The following MIA2 variants were observed in gnomAD, a reference collection of about 807,000 sequenced individuals.
The protein encoded by MIA2 is MIA SH3 domain ER export factor 2.
MIA2 carries 127 observed loss-of-function variants against 167.8 expected under a neutral mutation model. The ratio of observed to expected loss-of-function variants is 0.76; its 90% CI spans 0.66 to 0.88. The LOEUF is 0.88. Among genes scored for constraint, MIA2 ranks in the 40% least tolerant of loss-of-function variants. The probability of loss-of-function intolerance (pLI) is 0.00; values close to 1 mark genes in which losing one functional copy is unlikely to be tolerated. For synonymous variants in MIA2, 552 were observed against 541.9 expected (o/e 1.02, Z -0.26); for missense variants, 1,690 against 1,624.7 (o/e 1.04, Z -0.69).
intron 25 of MIA2, among the ~76,000 whole-genome samples, chr14:39,327,501 C>T (rs1488123358): frequency 6.6e-6 from 1 of 152,058 alleles, no homozygotes; most frequent in Non-Finnish European, 1.5e-5. Flanking sequence ...TTTATCTCAC[C>T]AAAATAAATA....
chr14:39,327,960 T>C (rs2152997506), intron 25 of MIA2, among the ~76,000 whole-genome samples: 1 of 152,360 alleles, frequency 6.6e-6, no homozygotes, highest in African/African-American at 2.4e-5. Context: ...AGTAGAATGA[T>C]TTATAATCCT....
At chr14:39,324,287 A>G (rs1369687793) in intron 24 of MIA2, among the ~76,000 whole-genome samples, 1 of 152,146 alleles carries the variant, frequency 6.6e-6, no homozygotes, top group Non-Finnish European at 1.5e-5. Context: ...AGCCTAAATG[A>G]CGACTTGCAC....
Position 39,247,870 on chromosome 14 carries a change from T to C in MIA2, c.1296T>C (p.Ile432=). 1 of 1,589,368 alleles carries C rather than the reference T, an allele frequency of 6.3e-7. No homozygotes were observed. The highest frequency in any genetic ancestry group is 1.2e-5 in the South Asian group (1 of 85,338). ...AACAAGAAATAGAAACGATAAAAAT[T>C]ATAGAAACAGAAGATCAAATAGACA... ...EKEQEIETIK[I]IETEDQIDKK... The change falls in exon 4 of 29, where the codon ATT becomes ATC. Residue 432 remains isoleucine, a synonymous_variant. Transcript: ENST00000640607.
intron 25 of MIA2, among the ~76,000 whole-genome samples, chr14:39,342,820 G>C (rs924477153): frequency 6.6e-6 from 1 of 152,062 alleles, no homozygotes; most frequent in East Asian, 1.9e-4. Flanking sequence ...CATGAGTTTA[G>C]CGTGTGTAAA....
chr14:39,309,665 T>G (rs1595437877), intron 18 of MIA2, among the ~76,000 whole-genome samples: 1 of 152,212 alleles, frequency 6.6e-6, no homozygotes, highest in East Asian at 1.9e-4. Flanking sequence ...GTCCTCTGAT[T>G]GATTGCTTTT....
At position 39,288,432 on chromosome 14, in the gene MIA2, CAT is replaced by C. The variant is rs759995143; in HGVS notation, c.2131-2544_2131-2543del. On this transcript the variant is annotated intron_variant, in intron 9 of 28. Coordinates refer to ENST00000640607, the MANE Select transcript of MIA2 (RefSeq NM_001329214.4). ...TTGATTTGAGCGTGTATATATTATA[CAT>C]ATATATATATATATATATATATATA... Among the ~76,000 whole-genome samples the C allele has an allele frequency of 2.0e-3, 106 of 52,878 alleles. 1 individual carries two copies. Among genetic ancestry groups the C allele is most frequent in the South Asian group, 5.4e-3 (6 of 1,116 alleles). 34.7% of individuals were successfully genotyped at this position (52,878 alleles called of 152,430 possible).
In MIA2 at chr14:39,253,134, A is replaced by G; in HGVS notation, c.1850A>G (p.Asn617Ser). The change falls in exon 6 of 29, where the codon AAT becomes AGT. Residue 617 changes from asparagine (N) to serine (S), a missense_variant. Physicochemically the swap from Asn to Ser is conservative, Grantham distance 46. Transcript: ENST00000640607. Reference sequence around the variant, plus strand: ...CAAATTGATGTTTATGATTTCATGAATTCTGCATTTTCACCAATTGTAATT... The same window carrying G: ...CAAATTGATGTTTATGATTTCATGAGTTCTGCATTTTCACCAATTGTAATT... ...LFQIDVYDFM[N>S]SAFSPIVILT... The G allele has an allele frequency of 6.2e-7, 1 of 1,608,796 alleles. No individual in the cohort carries two copies. The highest frequency in any genetic ancestry group is 8.5e-7 in the Non-Finnish European group (1 of 1,177,140).
chr14:39,310,027 G>A, intron 18 of MIA2, among the ~76,000 whole-genome samples: 1 of 151,582 alleles, frequency 6.6e-6, no homozygotes, highest in East Asian at 1.9e-4. Flanking sequence ...AGTTATTACA[G>A]TTGTTCCTTA....
At chr14:39,268,197 C>A (rs1214753815) in intron 6 of MIA2, among the ~76,000 whole-genome samples, 1 of 151,930 alleles carries the variant, frequency 6.6e-6, no homozygotes, top group Non-Finnish European at 1.5e-5. Flanking sequence ...TGTGTAGGGG[C>A]ATTTATGTCG....
intron 3 of MIA2, among the ~76,000 whole-genome samples, chr14:39,242,620 T>C (rs1383371243): frequency 1.3e-5 from 2 of 151,852 alleles, no homozygotes; most frequent in African/African-American, 4.8e-5. Context: ...ACCACACCTG[T>C]CCTCATTTAT....
intron 6 of MIA2, chr14:39,265,528 CTTTTT>C: frequency 1.3e-6 from 1 of 785,112 alleles, no homozygotes. Flanking sequence ...TTGGATTTTT[CTTTTT>C]TTTTCATTTT....
At chr14:39,345,320 C>T (rs550792624) in intron 25 of MIA2, among the ~76,000 whole-genome samples, 135 of 152,190 alleles carry the variant, frequency 8.9e-4, no homozygotes, top group Middle Eastern at 6.8e-3. Flanking sequence ...GTGATCCACC[C>T]GCTTCGGCCT....
chr14:39,343,360 C>T (rs778948014), intron 25 of MIA2, among the ~76,000 whole-genome samples: 10 of 152,022 alleles, frequency 6.6e-5, no homozygotes, highest in Non-Finnish European at 8.8e-5. Flanking sequence ...TTGGCCAGGC[C>T]GATCTTGAAC....
At chr14:39,339,226 G>T (rs886463068) in intron 25 of MIA2, among the ~76,000 whole-genome samples, 1 of 152,146 alleles carries the variant, frequency 6.6e-6, no homozygotes. Context: ...CTCACCTCCT[G>T]CTGTGCAAAC....
intron 21 of MIA2, among the ~76,000 whole-genome samples, chr14:39,316,417 C>G (rs2065448249): frequency 1.3e-5 from 2 of 152,190 alleles, no homozygotes; most frequent in African/African-American, 4.8e-5. Context: ...CTGGCTTCAT[C>G]ACCTATCATC....
rs1485532739 is a variant in MIA2 at position 39,242,291 on chromosome 14, C to T, written c.336+1644C>T. 2.7e-5 allele frequency among the ~76,000 whole-genome samples: 4 copies of T among 150,584 alleles called. No individual in the cohort carries two copies. In the East Asian group the frequency reaches 7.8e-4, roughly 29 times the overall value. On this transcript the variant is annotated intron_variant, in intron 3 of 28. Coordinates refer to ENST00000640607, the MANE Select transcript of MIA2 (RefSeq NM_001329214.4). Reference sequence around the variant, plus strand: ...AGGAATTATTGCTTCTTAATCACAGCTTTCTGTTTATTTCCTTCATAGTAC... The same window carrying T: ...AGGAATTATTGCTTCTTAATCACAGTTTTCTGTTTATTTCCTTCATAGTAC...
downstream of MIA2, among the ~76,000 whole-genome samples, chr14:39,353,833 C>A (rs146036322): frequency 1.3e-5 from 2 of 152,216 alleles, no homozygotes; most frequent in South Asian, 2.1e-4. Context: ...TTTGTCCTTG[C>A]GATAGTTTGC....
chr14:39,279,995 A>T (rs1322276241), intron 9 of MIA2, among the ~76,000 whole-genome samples: 1 of 152,196 alleles, frequency 6.6e-6, no homozygotes, highest in Non-Finnish European at 1.5e-5. Flanking sequence ...AATTCAGTCC[A>T]TAATAGTCTT....
At chr14:39,342,949 G>T (rs2072329980) in intron 25 of MIA2, among the ~76,000 whole-genome samples, 2 of 152,058 alleles carry the variant, frequency 1.3e-5, no homozygotes. Flanking sequence ...CACCTTAATT[G>T]TGGTATGGTA....
Sources: gnomAD v4.1 joint callset for allele counts (sites outside exome capture counted in the v4.1 genomes callset) on GRCh38, gnomAD v4.1.1 for gene constraint, MANE v1.5 for transcripts, NCBI Gene and HGNC (gene_info 2026-07-23, HGNC 2026-07-21) for gene names.